The following NRG1 variants were observed in gnomAD, a reference collection of about 807,000 sequenced individuals.
NRG1 encodes pro-neuregulin-1, membrane-bound isoform.
In NRG1, 18 loss-of-function variants were observed where a neutral mutation model predicts 63.8. The observed-to-expected ratio is 0.28, with a 90% confidence interval of 0.19 to 0.42. The LOEUF (loss-of-function observed/expected upper bound fraction) is 0.42. Among genes scored for constraint, NRG1 ranks in the 10% least tolerant of loss-of-function variants. The pLI is 1.00. For synonymous variants in NRG1, 302 were observed against 301.3 expected, an observed-to-expected ratio of 1.00 and a Z score of -0.02; for missense variants, 762 against 814.7, an observed-to-expected ratio of 0.94 and a Z score of 0.79.
chr8:32,060,699 T>C (rs747651300), intron 1 of NRG1, among the ~76,000 whole-genome samples: 5 of 151,952 alleles, frequency 3.3e-5, no homozygotes, highest in African/African-American at 9.7e-5. Context: ...GGAGCTTACA[T>C]TGGGTTTTGT....
At chr8:31,698,155 C>T (rs1810276356) in intron 1 of NRG1, among the ~76,000 whole-genome samples, 1 of 152,106 alleles carries the variant, frequency 6.6e-6, no homozygotes, top group Non-Finnish European at 1.5e-5. Context: ...AGTCTACTGT[C>T]ATAGAAAGGT....
At chr8:32,319,539 G>T (rs1477423203) in intron 1 of NRG1, among the ~76,000 whole-genome samples, 1 of 152,080 alleles carries the variant, frequency 6.6e-6, no homozygotes, top group African/African-American at 2.4e-5. Flanking sequence ...CAGAATTGGG[G>T]CACTAACAAA....
intron 1 of NRG1, among the ~76,000 whole-genome samples, chr8:31,710,911 A>T (rs1279277286): frequency 6.6e-6 from 1 of 151,932 alleles, no homozygotes; most frequent in African/African-American, 2.4e-5. Flanking sequence ...GTCTTTCATT[A>T]TGTTGTCTGT....
intron 1 of NRG1, among the ~76,000 whole-genome samples, chr8:32,502,094 A>T (rs1280769189): frequency 1.3e-5 from 2 of 152,304 alleles, no homozygotes; most frequent in South Asian, 4.1e-4. Context: ...TAATTTACAA[A>T]GAAAAGAGGT....
intron 1 of NRG1, among the ~76,000 whole-genome samples, chr8:32,484,205 G>A (rs531989094): frequency 3.3e-5 from 5 of 152,220 alleles, no homozygotes; most frequent in African/African-American, 1.2e-4. Context: ...GTACTAAGGA[G>A]AATACAGTGG....
At chr8:32,266,879 CAAAAAAAAA>C (rs60715824) in intron 1 of NRG1, among the ~76,000 whole-genome samples, 3 of 112,830 alleles carry the variant, frequency 2.7e-5, no homozygotes, top group Non-Finnish European at 3.8e-5. Flanking sequence ...ACTAAAAATA[CAAAAAAAAA>C]AAAAAAAAAA....
At chr8:31,750,716 A>G (rs993596948) in intron 1 of NRG1, among the ~76,000 whole-genome samples, 14 of 151,942 alleles carry the variant, frequency 9.2e-5, no homozygotes, top group African/African-American at 3.4e-4. Context: ...TTTATGCAAA[A>G]TGAATGCTAT....
intron 1 of NRG1, among the ~76,000 whole-genome samples, chr8:32,429,284 TC>T (rs953709446): frequency 3.3e-5 from 5 of 152,208 alleles, no homozygotes; most frequent in African/African-American, 1.2e-4. Context: ...AACAATGCCC[TC>T]AGGCTTAGTG....
intron 2 of NRG1, among the ~76,000 whole-genome samples, chr8:32,603,885 C>T (rs1844795059): frequency 6.6e-6 from 1 of 152,140 alleles, no homozygotes; most frequent in African/African-American, 2.4e-5. Flanking sequence ...TCCTCCCAAC[C>T]AGCCTTAGAA....
chr8:32,420,461 T>C (rs527583496), intron 1 of NRG1, among the ~76,000 whole-genome samples: 5 of 152,066 alleles, frequency 3.3e-5, no homozygotes, highest in African/African-American at 1.2e-4. Context: ...ACATCGAAGG[T>C]TCTTTAAATG....
At chr8:32,661,668 A>G (rs534241379) in intron 5 of NRG1, among the ~76,000 whole-genome samples, 27 of 151,752 alleles carry the variant, frequency 1.8e-4, no homozygotes, top group African/African-American at 6.5e-4. Flanking sequence ...TATAAATTAG[A>G]TAATTCTTTA....
intron 7 of NRG1, chr8:32,751,222 T>C (rs922348824): frequency 6.6e-6 from 1 of 152,120 alleles, no homozygotes; most frequent in East Asian, 1.9e-4. Context: ...GAACATTGCA[T>C]CCTTCAGGAA....
chr8:31,837,879 C>T (rs1317694396), intron 1 of NRG1, among the ~76,000 whole-genome samples: 1 of 152,042 alleles, frequency 6.6e-6, no homozygotes, highest in African/African-American at 2.4e-5. Context: ...ATCCATTCAT[C>T]CCCTGATGGA....
intron 1 of NRG1, among the ~76,000 whole-genome samples, chr8:31,958,731 C>T (rs1435175725): frequency 1.3e-5 from 2 of 152,160 alleles, no homozygotes; most frequent in Middle Eastern, 3.2e-3. Context: ...TCAACTGATA[C>T]AAAAGTTGGG....
chr8:31,905,778 G>T (rs920999864), intron 1 of NRG1, among the ~76,000 whole-genome samples: 1 of 152,130 alleles, frequency 6.6e-6, no homozygotes. Flanking sequence ...AACAACAGCC[G>T]CCTAGTAGAC....
chr8:32,650,127 T>G (rs1854672357), intron 5 of NRG1, among the ~76,000 whole-genome samples: 1 of 152,226 alleles, frequency 6.6e-6, no homozygotes, highest in Non-Finnish European at 1.5e-5. Context: ...TAAGACCATG[T>G]CAGAAAGTAT....
chr8:32,455,858 G>T (rs1219648257), intron 1 of NRG1, among the ~76,000 whole-genome samples: 3 of 152,174 alleles, frequency 2.0e-5, no homozygotes, highest in Admixed American at 6.5e-5. Flanking sequence ...AATGATCTCA[G>T]CTCACTGCGG....
intron 1 of NRG1, among the ~76,000 whole-genome samples, chr8:32,225,770 C>T (rs1456161931): frequency 2.6e-5 from 4 of 152,124 alleles, no homozygotes; most frequent in African/African-American, 7.2e-5. Context: ...AGGGAAATTT[C>T]GTTTCACTGC....
intron 1 of NRG1, among the ~76,000 whole-genome samples, chr8:31,988,914 C>T (rs986541259): frequency 1.3e-5 from 2 of 151,880 alleles, no homozygotes; most frequent in African/African-American, 2.4e-5. Context: ...ATAACTTGAC[C>T]CCTCTTTTTG....
Sources: allele counts gnomAD v4.1 joint callset (sites outside exome capture counted in the v4.1 genomes callset), GRCh38; gene constraint gnomAD v4.1.1; transcripts MANE v1.5; gene names NCBI Gene and HGNC (gene_info 2026-07-23, HGNC 2026-07-21).